Variants in ITGB8 observed in about 807,000 individuals in gnomAD.
ITGB8 encodes the protein integrin beta-8.
In ITGB8, 30 loss-of-function variants were observed where a neutral mutation model predicts 89.5. That is an observed-to-expected ratio of 0.34 (90% CI 0.25 to 0.45). The LOEUF (loss-of-function observed/expected upper bound fraction) is 0.45, where lower values mean the gene tolerates loss of function less well. Ranked by LOEUF, ITGB8 falls within the 20% of genes least tolerant of loss-of-function variation. ITGB8 has a pLI of 1.00. For synonymous variants in ITGB8, 335 were observed against 320.4 expected, an observed-to-expected ratio of 1.05 and a Z score of -0.49; for missense variants, 836 against 933.3, an observed-to-expected ratio of 0.90 and a Z score of 1.36.
chr7:20,392,961 T>C (rs1459846132), intron 7 of ITGB8, among the ~76,000 whole-genome samples: 2 of 152,188 alleles, frequency 1.3e-5, no homozygotes, highest in African/African-American at 4.8e-5. Context: ...CACTTAACTA[T>C]TGTCAGGCAT....
Position 20,400,211 on chromosome 7 carries a change from G to GT in ITGB8, c.1281+1225dup, listed in dbSNP as rs1006568354. 4.0e-4 allele frequency among the ~76,000 whole-genome samples: 58 copies of GT among 145,388 alleles called. No individual in the cohort carries two copies. The East Asian group carries it at 6.4e-3, about 16-fold the overall frequency. On this transcript the variant is annotated intron_variant, in intron 9 of 13. Coordinates refer to ENST00000222573, the MANE Select transcript of ITGB8 (RefSeq NM_002214.3). ...AATGGTTTTTCTTAGCTTTTACATT[G>GT]TTTTTTTTCTTTTCATTTGCTTACA...
chr7:20,396,961 T>C (rs1554312240), intron 8 of ITGB8, among the ~76,000 whole-genome samples: 3 of 152,202 alleles, frequency 2.0e-5, no homozygotes, highest in Non-Finnish European at 4.4e-5. Context: ...TAAGTTGGAA[T>C]TCTGTTATTA....
intron 1 of ITGB8, chr7:20,353,352 A>G (rs1433670576): frequency 6.6e-6 from 1 of 152,200 alleles, no homozygotes; most frequent in African/African-American, 2.4e-5. Flanking sequence ...AAGCCTTAAA[A>G]ACCTACCTAT....
intron 1 of ITGB8, among the ~76,000 whole-genome samples, chr7:20,358,285 G>A (rs959764401): frequency 6.6e-6 from 1 of 152,078 alleles, no homozygotes; most frequent in Non-Finnish European, 1.5e-5. Flanking sequence ...TTCTCTAGAT[G>A]GGAGATAGCA....
intron 2 of ITGB8, 33 bp downstream of exon 2, chr7:20,363,755 T>A: frequency 7.3e-7 from 1 of 1,362,496 alleles, no homozygotes. Context: ...TTTCTCATGG[T>A]TGACTTGAGC....
chr7:20,404,425 G>A (rs1294223463), intron 10 of ITGB8, among the ~76,000 whole-genome samples: 1 of 152,222 alleles, frequency 6.6e-6, no homozygotes, highest in African/African-American at 2.4e-5. Context: ...AGCATGGGGA[G>A]ATTATCTACA....
chr7:20,333,279 T>C (rs1190621269), intron 1 of ITGB8, among the ~76,000 whole-genome samples: 1 of 152,218 alleles, frequency 6.6e-6, no homozygotes, highest in Non-Finnish European at 1.5e-5. Flanking sequence ...CTTTATCTTG[T>C]GGTTATTTTT....
At position 20,331,291 on chromosome 7, in the gene ITGB8, C is replaced by T; in HGVS notation, c.-516C>T. On this transcript the variant is annotated 5_prime_UTR_variant, in exon 1 of 14. Transcript: ENST00000222573. ...GAAGCAACTGCGCTGATTGATGCGC[C>T]ACAGACTTTTTTCCCCTCGACCTCG... The T allele has an allele frequency of 5.6e-6, 2 of 357,360 alleles. No individual in the cohort carries two copies. The highest frequency in any genetic ancestry group is 1.0e-5 in the Non-Finnish European group (2 of 200,260). The allele number at this position is 357,360 out of a possible 1,614,324, so 22.1% of individuals were successfully genotyped here.
intron 1 of ITGB8, among the ~76,000 whole-genome samples, chr7:20,357,007 T>A (rs943122847): frequency 2.0e-5 from 3 of 152,204 alleles, no homozygotes; most frequent in African/African-American, 7.2e-5. Flanking sequence ...TGAATATGTT[T>A]TTTCCTGACT....
chr7:20,346,695 T>G, intron 1 of ITGB8: 1 of 985,270 alleles, frequency 1.0e-6, no homozygotes, highest in Non-Finnish European at 1.2e-6. Context: ...TTTCTCTGGG[T>G]GTCTTAAGAC....
chr7:20,360,137 T>C (rs915340252), intron 1 of ITGB8, among the ~76,000 whole-genome samples: 1 of 152,148 alleles, frequency 6.6e-6, no homozygotes, highest in Non-Finnish European at 1.5e-5. Context: ...AGATGGGAAC[T>C]AGAACTTTTT....
intron 1 of ITGB8, among the ~76,000 whole-genome samples, chr7:20,361,805 TAAGGAA>T (rs956264554): frequency 1.3e-5 from 2 of 152,186 alleles, no homozygotes; most frequent in African/African-American, 4.8e-5. Context: ...ATTTTTAGGC[TAAGGAA>T]TTTTCATACT....
intron 10 of ITGB8, among the ~76,000 whole-genome samples, chr7:20,403,842 A>C (rs140913602): frequency 6.6e-6 from 1 of 152,140 alleles, no homozygotes; most frequent in Non-Finnish European, 1.5e-5. Flanking sequence ...CAGAATTCCT[A>C]TATCATCATG....
chr7:20,409,566 A>G (rs1787682657), intron 12 of ITGB8, 49 bp from the exon 13 acceptor site: 1 of 1,298,404 alleles, frequency 7.7e-7, no homozygotes, highest in Non-Finnish European at 1.1e-6. Flanking sequence ...AGACTCTTTG[A>G]TTTACTTATT....
intron 1 of ITGB8, among the ~76,000 whole-genome samples, chr7:20,349,378 C>T (rs771554625): frequency 1.7e-4 from 25 of 151,192 alleles, no homozygotes; most frequent in Non-Finnish European, 2.5e-4. Flanking sequence ...CTTTCAATGG[C>T]CAAAACCGCA....
At chr7:20,362,360 G>T (rs913579820) in intron 1 of ITGB8, among the ~76,000 whole-genome samples, 1 of 152,198 alleles carries the variant, frequency 6.6e-6, no homozygotes, top group Non-Finnish European at 1.5e-5. Context: ...GTGCATGAGT[G>T]TGCACATGCA....
At chr7:20,402,147 G>A (rs775238772) in intron 10 of ITGB8, 21 bp downstream of exon 10, 4 of 1,566,714 alleles carry the variant, frequency 2.6e-6, no homozygotes, top group Middle Eastern at 1.7e-4. Flanking sequence ...ATATATACAG[G>A]CAGCTTTTAC....
At chr7:20,403,573 A>C (rs1393353369) in intron 10 of ITGB8, among the ~76,000 whole-genome samples, 1 of 152,218 alleles carries the variant, frequency 6.6e-6, no homozygotes, top group Non-Finnish European at 1.5e-5. Flanking sequence ...AGTCAGCATA[A>C]GCCTGCACAG....
chr7:20,382,181 G>C, intron 6 of ITGB8: 1 of 230,064 alleles, frequency 4.3e-6, no homozygotes, highest in Non-Finnish European at 8.4e-6. Context: ...GTAATTCTAA[G>C]ACAGGGGAAA....
Sources: gnomAD v4.1 joint callset for allele counts (sites outside exome capture counted in the v4.1 genomes callset) on GRCh38, gnomAD v4.1.1 for gene constraint, MANE v1.5 for transcripts, NCBI Gene and HGNC (gene_info 2026-07-23, HGNC 2026-07-21) for gene names.